The following KCTD1 variants were observed in gnomAD, a reference collection of about 807,000 sequenced individuals.
The protein encoded by KCTD1 is potassium channel tetramerization domain containing 1.
KCTD1 carries 24 observed loss-of-function variants against 66.0 expected under a neutral mutation model. The ratio of observed to expected loss-of-function variants is 0.36; its 90% CI spans 0.26 to 0.51. KCTD1 has a LOEUF of 0.51. KCTD1 is among the 20% of genes least tolerant of loss of function. KCTD1 has a pLI of 0.95. For synonymous variants in KCTD1, 511 were observed against 517.2 expected, an observed-to-expected ratio of 0.99 and a Z score of 0.16; for missense variants, 943 against 1,205.2, an observed-to-expected ratio of 0.78 and a Z score of 3.22.
intron 1 of KCTD1, among the ~76,000 whole-genome samples, chr18:26,564,387 G>C (rs1203669567): frequency 2.0e-5 from 3 of 152,162 alleles, no homozygotes; most frequent in Non-Finnish European, 1.5e-5. Flanking sequence ...CATGTCACCA[G>C]CCTTTCTCCA....
At chr18:26,647,332 C>CCA (rs760083029) in intron 1 of KCTD1, among the ~76,000 whole-genome samples, 3 of 3,316 alleles carry the variant, frequency 9.0e-4, no homozygotes, top group Non-Finnish European at 8.4e-3. Context: ...GATAGTGAAA[C>CCA]CCCCCCCCCA....
chr18:26,612,503 G>A lies in KCTD1; in HGVS notation c.-16+16644C>T, dbSNP rs562899736. The stretch of plus-strand genomic sequence containing the variant: ...AAGAAGAGGAAACTTGGACAGAGAC[G>A]TGTACAGATGGGAGACCACTTGAGG... On this transcript the variant is annotated intron_variant, in intron 1 of 4. Transcript: ENST00000317932. Among the ~76,000 whole-genome samples, 10 of 152,314 alleles carry A rather than the reference G, an allele frequency of 6.6e-5. No individual in the cohort carries two copies. In the East Asian group the frequency reaches 9.6e-4, roughly 15 times the overall value.
chr18:26,538,178 C>T (rs1984800017), intron 1 of KCTD1, among the ~76,000 whole-genome samples: 2 of 151,956 alleles, frequency 1.3e-5, no homozygotes, highest in African/African-American at 4.8e-5. Context: ...ACCCAGGAGG[C>T]GGAGGCTGCA....
chr18:26,515,394 T>C (rs913514784), intron 1 of KCTD1, among the ~76,000 whole-genome samples: 2 of 152,172 alleles, frequency 1.3e-5, no homozygotes, highest in African/African-American at 4.8e-5. Context: ...GATTTAAAAG[T>C]TAGAAGCAAA....
chr18:26,505,601 G>C (rs1026911746), intron 1 of KCTD1, among the ~76,000 whole-genome samples: 2 of 152,196 alleles, frequency 1.3e-5, no homozygotes, highest in Non-Finnish European at 2.9e-5. Flanking sequence ...CTGTTGCCCA[G>C]GCTGCAGTGC....
intron 1 of KCTD1, among the ~76,000 whole-genome samples, chr18:26,528,977 T>C (rs927835118): frequency 3.3e-5 from 5 of 152,200 alleles, no homozygotes; most frequent in African/African-American, 1.2e-4. Context: ...TTATCATCTG[T>C]AAACTGATGA....
At chr18:26,457,029 T>C (rs1252541069) in intron 4 of KCTD1, 2 of 151,736 alleles carry the variant, frequency 1.3e-5, no homozygotes, top group Non-Finnish European at 2.9e-5. Flanking sequence ...TTAAAAAGTA[T>C]TATTTTTTAG....
At chr18:26,482,864 T>G (rs927039619) in intron 2 of KCTD1, among the ~76,000 whole-genome samples, 2 of 152,150 alleles carry the variant, frequency 1.3e-5, no homozygotes, top group African/African-American at 4.8e-5. Flanking sequence ...GGGAAAGAAG[T>G]GCAAAGACAG....
chr18:26,478,257 C>A (rs1981450031), intron 2 of KCTD1, among the ~76,000 whole-genome samples: 1 of 152,132 alleles, frequency 6.6e-6, no homozygotes, highest in Non-Finnish European at 1.5e-5. Context: ...TGTAACAAAT[C>A]CATTATCTTC....
At chr18:26,646,019 G>A (rs967308292) in intron 1 of KCTD1, among the ~76,000 whole-genome samples, 1 of 152,208 alleles carries the variant, frequency 6.6e-6, no homozygotes, top group African/African-American at 2.4e-5. Flanking sequence ...GGTTGGATAA[G>A]TCTTTCATAT....
chr18:26,548,459 C>G lies in KCTD1; in HGVS notation c.78G>C (p.Glu26Asp), dbSNP rs1279127371. The part of the protein sequence containing the change: ...GSASAAAAAA[E>D]NNGERGEGER... ...CGCCCTCGCCCCGCTCCCCATTGTT[C>G]TCGGCGGCGGCGGCGGCAGCGCTGG... is the stretch of plus-strand genomic sequence containing the variant. Residue 26 changes from glutamate (E) to aspartate (D), a missense_variant, in exon 1 of 5, where the codon GAG (glutamate) becomes GAC (aspartate). Coordinates refer to ENST00000580059, the MANE Select transcript of KCTD1 (RefSeq NM_001142730.3). 3 of 1,274,900 alleles carry G rather than the reference C, an allele frequency of 2.4e-6. No individual in the cohort carries two copies. Among genetic ancestry groups the G allele is most frequent in the South Asian group, 3.1e-5 (1 of 31,878 alleles). The allele number at this position is 1,274,900 out of a possible 1,614,324, so 79.0% of individuals were successfully genotyped here.
chr18:26,471,273 C>A (rs1981046669), intron 3 of KCTD1, among the ~76,000 whole-genome samples: 1 of 151,804 alleles, frequency 6.6e-6, no homozygotes, highest in Admixed American at 6.6e-5. Context: ...CTATAACACG[C>A]TGTACTCTTA....
intron 1 of KCTD1, among the ~76,000 whole-genome samples, chr18:26,573,959 G>T (rs1398249349): frequency 6.6e-6 from 1 of 151,890 alleles, no homozygotes; most frequent in East Asian, 1.9e-4. Context: ...TACCAGTATT[G>T]CCCCAAAGTC....
intron 4 of KCTD1, chr18:26,456,305 T>TATC (rs1980084738): frequency 6.3e-6 from 1 of 158,734 alleles, no homozygotes; most frequent in South Asian, 2.0e-4. Context: ...AAAGCTCATT[T>TATC]ATCACTAAAA....
chr18:26,462,804 G>C (rs138196607), intron 3 of KCTD1, among the ~76,000 whole-genome samples: 20 of 152,052 alleles, frequency 1.3e-4, no homozygotes, highest in Non-Finnish European at 2.9e-4. Flanking sequence ...TAAGTACCAC[G>C]GTTTTTAAAG....
intron 1 of KCTD1, among the ~76,000 whole-genome samples, chr18:26,572,464 C>T (rs1986132197): frequency 6.6e-6 from 1 of 152,122 alleles, no homozygotes; most frequent in African/African-American, 2.4e-5. Context: ...GTACATGAAT[C>T]CGATTGTAAC....
At chr18:26,605,087 C>G (rs1986982698) in intron 1 of KCTD1, among the ~76,000 whole-genome samples, 1 of 152,160 alleles carries the variant, frequency 6.6e-6, no homozygotes, top group South Asian at 2.1e-4. Flanking sequence ...GAAAAAGAAA[C>G]AGACAAAGGG....
At chr18:26,497,546 T>C (rs1982542380) in intron 2 of KCTD1, among the ~76,000 whole-genome samples, 1 of 152,210 alleles carries the variant, frequency 6.6e-6, no homozygotes, top group South Asian at 2.1e-4. Flanking sequence ...GAAGAACTAG[T>C]TCTTCTCTGT....
intron 2 of KCTD1, among the ~76,000 whole-genome samples, chr18:26,481,421 T>A (rs1981641915): frequency 6.6e-6 from 1 of 152,172 alleles, no homozygotes; most frequent in Admixed American, 6.5e-5. Context: ...ATACAAAGGC[T>A]TGTAGCCAAA....
Sources: gnomAD v4.1 joint callset for allele counts (sites outside exome capture counted in the v4.1 genomes callset) on GRCh38, gnomAD v4.1.1 for gene constraint, MANE v1.5 for transcripts, NCBI Gene and HGNC (gene_info 2026-07-23, HGNC 2026-07-21) for gene names.